Variants in GRM7 observed in about 807,000 individuals in gnomAD.
The protein encoded by GRM7 is glutamate metabotropic receptor 7.
Under a neutral mutation model 84.5 loss-of-function variants are expected in GRM7, and 35 were observed. The ratio of observed to expected loss-of-function variants is 0.41; its 90% CI spans 0.32 to 0.55. The LOEUF (loss-of-function observed/expected upper bound fraction) is 0.55, where lower values mean the gene tolerates loss of function less well. GRM7 is among the 20% of genes least tolerant of loss of function. The probability of loss-of-function intolerance (pLI) is 0.19; values close to 1 mark genes in which losing one functional copy is unlikely to be tolerated. For missense variants in GRM7, 1,003 were observed against 1,194.6 expected, an observed-to-expected ratio of 0.84 and a Z score of 2.36; for synonymous variants, 487 against 455.1, an observed-to-expected ratio of 1.07 and a Z score of -0.89.
chr3:7,091,792 T>A (rs1698674332), intron 1 of GRM7, among the ~76,000 whole-genome samples: 2 of 150,450 alleles, frequency 1.3e-5, no homozygotes, highest in Non-Finnish European at 2.9e-5. Context: ...CAGGATAATT[T>A]TAGAAACCCT....
rs770143158 is a variant in GRM7, at chr3:7,168,512, C to T, written c.736+21844C>T. ...CACCAAGAAGGTGTGACCTGCAAAC[C>T]GGGAAAAGAGCAGGACACTGAATCT... is the stretch of plus-strand genomic sequence containing the variant. On this transcript the variant is annotated intron_variant, in intron 2 of 9. Coordinates refer to ENST00000357716, the MANE Select transcript of GRM7 (RefSeq NM_000844.4). Among the ~76,000 whole-genome samples the T allele has an allele frequency of 9.9e-5, 15 of 152,182 alleles. No individual in the cohort carries two copies. The East Asian group carries it at 1.4e-3, about 14-fold the overall frequency.
chr3:7,638,948 C>A (rs749554757), intron 8 of GRM7, among the ~76,000 whole-genome samples: 20 of 152,158 alleles, frequency 1.3e-4, no homozygotes, highest in Non-Finnish European at 2.5e-4. Context: ...GAATATGTGT[C>A]CAAAATGTGC....
chr3:7,090,760 G>A (rs1000829884), intron 1 of GRM7, among the ~76,000 whole-genome samples: 2 of 152,076 alleles, frequency 1.3e-5, no homozygotes, highest in African/African-American at 4.8e-5. Context: ...AGATAGAGAA[G>A]AGAGAGCAGA....
At chr3:7,436,921 T>TCAA (rs1697080695) in intron 5 of GRM7, among the ~76,000 whole-genome samples, 3 of 151,886 alleles carry the variant, frequency 2.0e-5, no homozygotes, top group Admixed American at 2.0e-4. Context: ...AGGTCTTTTA[T>TCAA]CATCATCATC....
chr3:7,449,758 T>C lies in GRM7; in HGVS notation c.1175-2849T>C, dbSNP rs141422134. 1.6e-3 allele frequency among the ~76,000 whole-genome samples: 237 copies of C among 152,232 alleles called. 2 individuals carry two copies. The highest frequency in any genetic ancestry group is 5.5e-3 in the African/African-American group (230 of 41,562). ...GTATTACAATAACTGCATAGCTATA[T>C]GGTAAGAGATAAAATTTTGATTCAT... On this transcript the variant is annotated intron_variant, in intron 5 of 9. Transcript: ENST00000357716.
At chr3:7,052,720 G>GTTTTTTTTT (rs372132445) in intron 1 of GRM7, among the ~76,000 whole-genome samples, 1,997 of 100,464 alleles carry the variant, frequency 0.02, 94 homozygotes, top group African/African-American at 0.069. Context: ...AGTATCGGTA[G>GTTTTTTTTT]TTTTTTTTTT....
chr3:7,453,725 A>C (rs1697877518), intron 6 of GRM7, among the ~76,000 whole-genome samples: 1 of 152,022 alleles, frequency 6.6e-6, no homozygotes, highest in African/African-American at 2.4e-5. Context: ...CCTTTTATGA[A>C]GATTTCATTG....
chr3:7,271,844 A>G lies in GRM7; in HGVS notation c.737-26840A>G, dbSNP rs188449633. Among the ~76,000 whole-genome samples, 14 of 152,314 alleles carry G rather than the reference A, an allele frequency of 9.2e-5. No individual in the cohort carries two copies. In the East Asian group the frequency reaches 2.5e-3, roughly 27 times the overall value. On this transcript the variant is annotated intron_variant, in intron 2 of 9. Transcript: ENST00000357716. The stretch of plus-strand genomic sequence containing the variant: ...TCTCAACTGAGTGACTATTGAATCT[A>G]TCAACACATTTGTGTTGCACTCTTG...
intron 1 of GRM7, among the ~76,000 whole-genome samples, chr3:6,995,056 A>ATG (rs202123254): frequency 0.43 from 65,234 of 151,646 alleles, 14,876 homozygotes; most frequent in Middle Eastern, 0.51. Context: ...ACCACTTTCC[A>ATG]CACGCTCTTA....
intron 1 of GRM7, among the ~76,000 whole-genome samples, chr3:7,043,574 A>G (rs1177382728): frequency 6.6e-6 from 1 of 152,186 alleles, no homozygotes; most frequent in African/African-American, 2.4e-5. Context: ...AAGTGTAACT[A>G]GTATAATCTG....
chr3:7,699,011 T>C (rs1221894353), intron 9 of GRM7, among the ~76,000 whole-genome samples: 1 of 152,184 alleles, frequency 6.6e-6, no homozygotes, highest in Non-Finnish European at 1.5e-5. Flanking sequence ...CCCTACATGC[T>C]TTCGGCATCT....
intron 8 of GRM7, among the ~76,000 whole-genome samples, chr3:7,586,380 AG>A (rs1029766984): frequency 5.4e-5 from 8 of 148,932 alleles, no homozygotes; most frequent in African/African-American, 2.0e-4. Context: ...CTTGTACATG[AG>A]GGGTTTTTTT....
At chr3:7,464,122 C>T (rs1285573281) in intron 7 of GRM7, among the ~76,000 whole-genome samples, 5 of 152,162 alleles carry the variant, frequency 3.3e-5, no homozygotes, top group African/African-American at 1.2e-4. Flanking sequence ...TTCAGAAGAA[C>T]TAGAGGTGCG....
chr3:7,243,018 T>C (rs1215225943), intron 2 of GRM7, among the ~76,000 whole-genome samples: 2 of 152,114 alleles, frequency 1.3e-5, no homozygotes, highest in African/African-American at 2.4e-5. Flanking sequence ...AAATATTCAG[T>C]GGTGTGCTGA....
At chr3:6,975,069 G>T (rs920419463) in intron 1 of GRM7, among the ~76,000 whole-genome samples, 3 of 152,124 alleles carry the variant, frequency 2.0e-5, no homozygotes, top group Admixed American at 1.3e-4. Flanking sequence ...ACAGAGAAGG[G>T]TTGGCATCAG....
chr3:6,981,944 G>C (rs530320213), intron 1 of GRM7, among the ~76,000 whole-genome samples: 2 of 152,122 alleles, frequency 1.3e-5, no homozygotes, highest in South Asian at 2.1e-4. Flanking sequence ...CTCTTTACTG[G>C]GTATATAAAC....
intron 2 of GRM7, among the ~76,000 whole-genome samples, chr3:7,165,069 A>G (rs1694755179): frequency 6.6e-6 from 1 of 152,256 alleles, no homozygotes; most frequent in Non-Finnish European, 1.5e-5. Context: ...ATGAATCCAG[A>G]AAGCCACACG....
At chr3:6,895,206 T>G (rs1268839508) in intron 1 of GRM7, among the ~76,000 whole-genome samples, 1 of 152,128 alleles carries the variant, frequency 6.6e-6, no homozygotes, top group Non-Finnish European at 1.5e-5. Context: ...CTCCAAAGAT[T>G]TCTATACCTT....
chr3:7,702,501 C>A (rs1701262326), intron 9 of GRM7, among the ~76,000 whole-genome samples: 1 of 152,124 alleles, frequency 6.6e-6, no homozygotes, highest in African/African-American at 2.4e-5. Context: ...CTTCAAAGAG[C>A]CATTATATAA....
Sources: gnomAD v4.1 joint callset for allele counts (sites outside exome capture counted in the v4.1 genomes callset) on GRCh38, gnomAD v4.1.1 for gene constraint, MANE v1.5 for transcripts, NCBI Gene and HGNC (gene_info 2026-07-23, HGNC 2026-07-21) for gene names.